IFT27: variants seen among roughly 807,000 people sequenced by gnomAD.
IFT27 encodes the protein intraflagellar transport protein 27 homolog.
IFT27 carries 19 observed loss-of-function variants against 23.9 expected under a neutral mutation model. The observed-to-expected ratio is 0.79, with a 90% CI of 0.55 to 1.16. The LOEUF is 1.16. Among genes scored for constraint, IFT27 ranks in the 50% most tolerant of loss-of-function variants. The pLI, the probability that IFT27 is intolerant of heterozygous loss-of-function variation, is 0.00. For synonymous variants in IFT27, 91 were observed against 89.1 expected (o/e 1.02, Z -0.12); for missense variants, 206 against 228.7 (o/e 0.90, Z 0.64).
At chr22:36,774,388 G>A (rs1226760953) in intron 1 of IFT27, among the ~76,000 whole-genome samples, 1 of 152,182 alleles carries the variant, frequency 6.6e-6, no homozygotes, top group African/African-American at 2.4e-5. Context: ...AAGGTCACAG[G>A]TTTCAACAGA....
chr22:36,767,271 A>T, intron 3 of IFT27, 35 bp downstream of exon 3: 5 of 1,577,930 alleles, frequency 3.2e-6, no homozygotes, highest in Non-Finnish European at 4.4e-6. Context: ...CAGCTGGGGG[A>T]GCCCTGAGTT....
In IFT27 at chr22:36,762,964, G is replaced by A. The variant is rs1938136033; in HGVS notation, c.402C>T (p.Asp134=). The part of the protein sequence containing the change: ...KTDLAGRRAV[D]SAEARAWALG... ...GCGCCCATGCCCGGGCCTCAGCTGA[G>A]TCCACTGCTCGTCTGCCGGCCAGGT... The change falls in exon 6 of 7, where the codon GAC becomes GAT. Residue 134 remains aspartate (D), a synonymous_variant. Coordinates refer to ENST00000433985, the MANE Select transcript of IFT27 (RefSeq NM_001177701.3). 1 of 1,606,650 alleles carries A rather than the reference G, an allele frequency of 6.2e-7. No individual in the cohort carries two copies. The highest frequency in any genetic ancestry group is 1.3e-5 in the African/African-American group (1 of 74,918).
At chr22:36,774,927 G>T (rs1326092268) in intron 1 of IFT27, among the ~76,000 whole-genome samples, 1 of 152,226 alleles carries the variant, frequency 6.6e-6, no homozygotes, top group East Asian at 1.9e-4. Flanking sequence ...ACATGCATAT[G>T]TGTTTCGCAG....
intron 4 of IFT27, among the ~76,000 whole-genome samples, chr22:36,765,778 C>T (rs915069256): frequency 2.6e-5 from 4 of 152,148 alleles, no homozygotes; most frequent in African/African-American, 9.7e-5. Flanking sequence ...CAGCACTTCC[C>T]AGAGGGGGAG....
Position 36,767,799 on chromosome 22 carries a change from T to C in IFT27, c.98A>G (p.Gln33Arg), listed in dbSNP as rs1236115118. The C allele has an allele frequency of 1.2e-6, 2 of 1,614,072 alleles. No individual in the cohort carries two copies. Among genetic ancestry groups the C allele is most frequent in the East Asian group, 4.5e-5 (2 of 44,902 alleles). ...QIFRSDGAHF[Q>R]KSYTLTTGMD... ...CCAGCTCACCAGGGTGTAGCTTTTC[T>C]GGAAATGGGCTCCATCACTGCGGAA... Residue 33 changes from glutamine to arginine, a missense_variant, in exon 2 of 7, where the codon CAG becomes CGG. Transcript: ENST00000433985.
rs528739137 is a variant in IFT27 at position 36,770,273 on chromosome 22, T to C, written c.35-2411A>G. On this transcript the variant is annotated intron_variant, in intron 1 of 6. Coordinates refer to ENST00000433985, the MANE Select transcript of IFT27 (RefSeq NM_001177701.3). ...CATCCTCCTTGACTTCTCTGAAGGATGTGAGTCAGCCTGAAGTGACCCCTT... is the reference window on the plus strand; with the variant it reads ...CATCCTCCTTGACTTCTCTGAAGGACGTGAGTCAGCCTGAAGTGACCCCTT... Among the ~76,000 whole-genome samples, 11 of 152,288 alleles carry C rather than the reference T, an allele frequency of 7.2e-5. No individual in the cohort carries two copies. The South Asian group carries it at 1.0e-3, about 14-fold the overall frequency.
rs201783871 is a variant in IFT27 at position 36,767,386 on chromosome 22, T to C, written c.115-21A>G. 83 of 1,606,514 alleles carry C rather than the reference T, an allele frequency of 5.2e-5. No homozygotes were observed. The Middle Eastern group carries it at 3.0e-3, about 58-fold the overall frequency. ...GTTGTCTGCCGAGGAACACCAAGAA[T>C]GTTAGCACTGAGGGCCCCCAAAGGG... On this transcript the variant is annotated intron_variant, in intron 2 of 6. Transcript: ENST00000433985.
intron 1 of IFT27, chr22:36,768,392 T>C (rs1303147653): frequency 3.5e-6 from 1 of 284,986 alleles, no homozygotes; most frequent in Non-Finnish European, 6.9e-6. Context: ...TGTTCATCAT[T>C]CTGAAATCTC....
intron 4 of IFT27, 64 bp downstream of exon 4, chr22:36,766,074 T>C (rs1046045201): frequency 3.9e-5 from 50 of 1,297,326 alleles, no homozygotes; most frequent in Non-Finnish European, 5.4e-5. Context: ...GTGTGAGCAC[T>C]GTCAGGGGTA....
intron 3 of IFT27, chr22:36,766,464 A>G: frequency 2.1e-6 from 1 of 469,602 alleles, no homozygotes; most frequent in Non-Finnish European, 3.9e-6. Flanking sequence ...CCCTGAGTGC[A>G]AAAATACCAG....
At chr22:36,769,250 C>T (rs979490397) in intron 1 of IFT27, among the ~76,000 whole-genome samples, 2 of 152,138 alleles carry the variant, frequency 1.3e-5, no homozygotes, top group Non-Finnish European at 2.9e-5. Context: ...TTCACCTTAC[C>T]TGACAGATGA....
chr22:36,766,091 T>A, intron 4 of IFT27, 47 bp downstream of exon 4: 3 of 1,493,848 alleles, frequency 2.0e-6, no homozygotes, highest in Non-Finnish European at 2.8e-6. Context: ...GGTAAACGTT[T>A]TGGCAGGAGG....
intron 6 of IFT27, 82 bp downstream of exon 6, chr22:36,762,822 C>T: frequency 1.3e-6 from 1 of 758,696 alleles, no homozygotes; most frequent in Non-Finnish European, 2.0e-6. Flanking sequence ...ATAACAGCTC[C>T]CTGCACGTGA....
At chr22:36,774,668 C>T (rs367783330) in intron 1 of IFT27, among the ~76,000 whole-genome samples, 10 of 152,140 alleles carry the variant, frequency 6.6e-5, no homozygotes, top group African/African-American at 2.4e-4. Flanking sequence ...AAAAATTAGC[C>T]GGGCATGGTG....
chr22:36,769,217 A>C (rs1010116257), intron 1 of IFT27, among the ~76,000 whole-genome samples: 4 of 152,062 alleles, frequency 2.6e-5, no homozygotes, highest in East Asian at 3.9e-4. Context: ...AATCCCATTC[A>C]TTCCTTCCCC....
At chr22:36,770,433 A>G (rs765023997) in intron 1 of IFT27, among the ~76,000 whole-genome samples, 2 of 149,770 alleles carry the variant, frequency 1.3e-5, no homozygotes, top group Non-Finnish European at 3.0e-5. Flanking sequence ...CTCCTAGTCC[A>G]CTCCGTCCCA....
chr22:36,765,892 C>T (rs921323459), intron 4 of IFT27, among the ~76,000 whole-genome samples: 3 of 152,198 alleles, frequency 2.0e-5, no homozygotes, highest in African/African-American at 7.2e-5. Flanking sequence ...AGGACCGAGC[C>T]GCAGGGCTCT....
chr22:36,762,154 G>T (rs1938107417), intron 6 of IFT27: 3 of 152,272 alleles, frequency 2.0e-5, no homozygotes, highest in Admixed American at 6.5e-5. Flanking sequence ...TGAGGGGTCT[G>T]ATTGGTGCAG....
rs1257180091 is a variant in IFT27, at chr22:36,776,028, T to C, written c.-321A>G. 4 of 467,278 alleles carry C rather than the reference T, an allele frequency of 8.6e-6. No homozygotes were observed. Among genetic ancestry groups the C allele is most frequent in the Admixed American group, 6.7e-5 (2 of 30,010 alleles). The allele number at this position is 467,278 out of a possible 1,614,324, so 28.9% of individuals were successfully genotyped here. A position where few individuals can be genotyped will look rare whatever the true frequency, so the allele number is the denominator to read the frequency against. On this transcript the variant is annotated 5_prime_UTR_variant, in exon 1 of 7. Coordinates refer to ENST00000433985, the MANE Select transcript of IFT27 (RefSeq NM_001177701.3). Reference sequence around the variant, plus strand: ...CCCGCCCAGCCCCTCAGCACAGCCCTACCCAGAGGGTTCAAGGAAGGACGA... The same window carrying C: ...CCCGCCCAGCCCCTCAGCACAGCCCCACCCAGAGGGTTCAAGGAAGGACGA...
Sources: gnomAD v4.1 joint callset for allele counts (sites outside exome capture counted in the v4.1 genomes callset) on GRCh38, gnomAD v4.1.1 for gene constraint, MANE v1.5 for transcripts, NCBI Gene and HGNC (gene_info 2026-07-23, HGNC 2026-07-21) for gene names.